PWWP2A: variants seen among roughly 807,000 people sequenced by gnomAD.
PWWP2A encodes the protein PWWP domain-containing protein 2A.
PWWP2A carries 18 observed loss-of-function variants against 48.5 expected under a neutral mutation model. That is an observed-to-expected ratio of 0.37 (90% confidence interval 0.26 to 0.55). The LOEUF (loss-of-function observed/expected upper bound fraction) is 0.55. Ranked by LOEUF, PWWP2A falls within the 20% of genes least tolerant of loss-of-function variation. The pLI, the probability that PWWP2A is intolerant of heterozygous loss-of-function variation, is 0.81. For synonymous variants in PWWP2A, 396 were observed against 387.7 expected (o/e 1.02, Z -0.25); for missense variants, 867 against 976.4 (o/e 0.89, Z 1.49).
chr5:160,053,357 C>G, the PWWP2A span, among the ~76,000 whole-genome samples: 7 of 152,072 alleles, frequency 4.6e-5, no homozygotes, highest in African/African-American at 1.7e-4. Context: ...ATTTGGGAGG[C>G]TGAGCCCGAG....
the PWWP2A span, among the ~76,000 whole-genome samples, chr5:160,051,800 C>T: frequency 1.3e-5 from 2 of 152,176 alleles, no homozygotes; most frequent in South Asian, 4.1e-4. Context: ...GGTTCCTGAA[C>T]ACAGACTTAA....
In PWWP2A at chr5:160,118,711, G is replaced by C. The variant is rs905247101; in HGVS notation, c.584+94C>G. The C allele has an allele frequency of 7.3e-6, 9 of 1,227,684 alleles. No individual in the cohort carries two copies. In the South Asian group the frequency reaches 1.1e-4, roughly 15 times the overall value. The allele number at this position is 1,227,684 out of a possible 1,614,324, so 76.0% of individuals were successfully genotyped here. On this transcript the variant is annotated intron_variant, in intron 1 of 1. Coordinates refer to ENST00000307063, the MANE Select transcript of PWWP2A (RefSeq NM_001130864.2). ...ACCAGAGGGCGGGGCCCCGGGCAGC[G>C]GGGAAGCGAGGGCTCGGGGAGAGGG...
At chr5:160,095,623 G>A (rs1755557089) in intron 1 of PWWP2A, among the ~76,000 whole-genome samples, 1 of 147,346 alleles carries the variant, frequency 6.8e-6, no homozygotes, top group South Asian at 2.2e-4. Flanking sequence ...AGATGCCAGT[G>A]TTTTATATAT....
At chr5:160,091,033 A>C, downstream of PWWP2A, 1 of 985,244 alleles carries the variant, frequency 1.0e-6, no homozygotes, top group Non-Finnish European at 1.2e-6. Flanking sequence ...GAATGTAAAA[A>C]AAGGAAGCAT....
At chr5:160,048,015 A>G in the PWWP2A span, among the ~76,000 whole-genome samples, 1 of 152,074 alleles carries the variant, frequency 6.6e-6, no homozygotes, top group Non-Finnish European at 1.5e-5. Flanking sequence ...CCAGAGACAT[A>G]CTACATTGGA....
downstream of PWWP2A, among the ~76,000 whole-genome samples, chr5:160,056,840 C>T (rs1402843763): frequency 1.3e-5 from 2 of 152,188 alleles, no homozygotes; most frequent in Non-Finnish European, 2.9e-5. Context: ...TATACCTGGA[C>T]ATTGTGTGCT....
At chr5:160,048,884 G>A in the PWWP2A span, among the ~76,000 whole-genome samples, 5 of 152,142 alleles carry the variant, frequency 3.3e-5, no homozygotes, top group Non-Finnish European at 7.4e-5. Flanking sequence ...CTGGGAGGAG[G>A]TGGTTGTAGT....
chr5:160,113,781 A>C (rs1404293891), intron 1 of PWWP2A, among the ~76,000 whole-genome samples: 1 of 152,244 alleles, frequency 6.6e-6, no homozygotes, highest in Non-Finnish European at 1.5e-5. Flanking sequence ...AATCAAGAGA[A>C]GCACTAACTT....
intron 1 of PWWP2A, among the ~76,000 whole-genome samples, chr5:160,098,243 T>C (rs900131253): frequency 5.9e-5 from 9 of 152,094 alleles, no homozygotes; most frequent in Non-Finnish European, 2.9e-5. Flanking sequence ...TTTAGTAACA[T>C]AGGGAAGAAG....
chr5:160,111,399 G>A (rs1311442206), intron 1 of PWWP2A, among the ~76,000 whole-genome samples: 8 of 152,036 alleles, frequency 5.3e-5, no homozygotes, highest in East Asian at 1.9e-4. Flanking sequence ...AACTCCTGAC[G>A]TCAGGTGATC....
At chr5:160,068,456 G>A (rs896919058) in intron 2 of PWWP2A, among the ~76,000 whole-genome samples, 8 of 151,236 alleles carry the variant, frequency 5.3e-5, no homozygotes, top group Admixed American at 6.6e-5. Flanking sequence ...AAAATTAGCC[G>A]GGCGTGGTGG....
rs1753663667 is a variant in PWWP2A at position 160,068,302 on chromosome 5, G to C, written c.*80-1431C>G. On this transcript the variant is annotated intron_variant and NMD_transcript_variant, in intron 2 of 5. Coordinates refer to the PWWP2A transcript ENST00000524050. ...ATTCTTATTCCGACAATATTGCAATGGGTCAAAATAATTTTTGGAGGCTGG... is the reference window on the plus strand; with the variant it reads ...ATTCTTATTCCGACAATATTGCAATCGGTCAAAATAATTTTTGGAGGCTGG... Among the ~76,000 whole-genome samples, 4 of 152,280 alleles carry C rather than the reference G, an allele frequency of 2.6e-5. No homozygotes were observed. In the South Asian group the frequency reaches 8.3e-4, roughly 32 times the overall value.
chr5:160,101,806 T>TAAA (rs34950891), intron 1 of PWWP2A, among the ~76,000 whole-genome samples: 3 of 132,430 alleles, frequency 2.3e-5, no homozygotes, highest in East Asian at 2.2e-4. Context: ...AACCAACTAT[T>TAAA]AAAAAAAAAA....
chr5:160,082,229 G>A (rs1754285240), intron 2 of PWWP2A, among the ~76,000 whole-genome samples: 1 of 152,016 alleles, frequency 6.6e-6, no homozygotes, highest in African/African-American at 2.4e-5. Flanking sequence ...TGGATCACGA[G>A]GTCAGGAGAT....
chr5:160,068,121 C>T (rs1359946132), intron 2 of PWWP2A, among the ~76,000 whole-genome samples: 1 of 152,088 alleles, frequency 6.6e-6, no homozygotes, highest in Non-Finnish European at 1.5e-5. Context: ...GCAGAGATTG[C>T]AGTGAGCCAA....
the PWWP2A span, among the ~76,000 whole-genome samples, chr5:160,051,393 C>T: frequency 6.6e-6 from 1 of 152,024 alleles, no homozygotes; most frequent in African/African-American, 2.4e-5. Context: ...TTTTGATTTT[C>T]TTGGAAATTT....
intron 4 of PWWP2A, chr5:160,065,062 A>G (rs1443032826): frequency 1.2e-6 from 2 of 1,608,232 alleles, no homozygotes; most frequent in African/African-American, 1.3e-5. Context: ...ATAATAACAG[A>G]TAACAAAGAT....
Position 160,086,171 on chromosome 5 carries a change from G to A in PWWP2A, c.1550-5401C>T, listed in dbSNP as rs139942612. ...AAAGAAACTTCCATATTTAAATAATGACTGTTCTCAACTTCTTTTTAATGA... is the reference window on the plus strand; with the variant it reads ...AAAGAAACTTCCATATTTAAATAATAACTGTTCTCAACTTCTTTTTAATGA... On this transcript the variant is annotated intron_variant, in intron 2 of 3. Transcript: ENST00000456329. Among the ~76,000 whole-genome samples the A allele has an allele frequency of 3.4e-3, 515 of 152,148 alleles. 4 individuals are homozygous for A. The highest frequency in any genetic ancestry group is 5.8e-3 in the Non-Finnish European group (396 of 67,984).
chr5:160,088,095 T>C (rs551512832), downstream of PWWP2A, among the ~76,000 whole-genome samples: 67 of 152,366 alleles, frequency 4.4e-4, no homozygotes, highest in Middle Eastern at 3.4e-3. Context: ...AACTGTAAAT[T>C]TGGAATATGA....
Sources: allele counts gnomAD v4.1 joint callset (sites outside exome capture counted in the v4.1 genomes callset), GRCh38; gene constraint gnomAD v4.1.1; transcripts MANE v1.5; gene names NCBI Gene and HGNC (gene_info 2026-07-23, HGNC 2026-07-21).